Variants in STON2 observed in about 807,000 individuals in gnomAD.
The protein encoded by STON2 is stonin-2.
STON2 carries 29 observed loss-of-function variants against 65.7 expected under a neutral mutation model. The ratio of observed to expected loss-of-function variants is 0.44; its 90% confidence interval spans 0.33 to 0.60. STON2 has a LOEUF of 0.60. Among genes scored for constraint, STON2 ranks in the 20% least tolerant of loss-of-function variants. The probability of loss-of-function intolerance (pLI) is 0.03; values close to 1 mark genes in which losing one functional copy is unlikely to be tolerated. For missense variants in STON2, 1,054 were observed against 1,118.1 expected (o/e 0.94, Z 0.82); for synonymous variants, 404 against 414.2 (o/e 0.98, Z 0.30).
chr14:81,390,412 T>A (rs942700476), intron 3 of STON2, among the ~76,000 whole-genome samples: 1 of 152,080 alleles, frequency 6.6e-6, no homozygotes, highest in African/African-American at 2.4e-5. Flanking sequence ...TTAGTAAATA[T>A]CTGGTGACTC....
intron 5 of STON2, among the ~76,000 whole-genome samples, chr14:81,321,072 G>C (rs548612136): frequency 1.3e-4 from 20 of 152,102 alleles, no homozygotes; most frequent in African/African-American, 4.6e-4. Flanking sequence ...AATACTGCAG[G>C]GCCTGAATCC....
At chr14:81,335,910 G>C (rs1426389950) in intron 4 of STON2, among the ~76,000 whole-genome samples, 2 of 152,072 alleles carry the variant, frequency 1.3e-5, no homozygotes, top group Admixed American at 1.3e-4. Flanking sequence ...ATTAAGAGGA[G>C]GTACCTGAAA....
chr14:81,333,645 C>T (rs753940430), intron 4 of STON2, among the ~76,000 whole-genome samples: 1 of 152,166 alleles, frequency 6.6e-6, no homozygotes, highest in Non-Finnish European at 1.5e-5. Context: ...GACAGCAAAT[C>T]CTTCGAGATG....
rs1444165033 is a variant in STON2, at chr14:81,260,768, T to A, written c.*7646A>T. On this transcript the variant is annotated 3_prime_UTR_variant, in exon 8 of 8. Coordinates refer to ENST00000614646, the MANE Select transcript of STON2 (RefSeq NM_001394390.1). ...ACAGAGATAGCCAGTGTGTAGACTT[T>A]ATTACATAGGCACATATTAAAAAAA... The A allele has an allele frequency of 6.6e-6, 1 of 151,928 alleles. No individual in the cohort carries two copies. The highest frequency in any genetic ancestry group is 1.5e-5 in the Non-Finnish European group (1 of 68,000). The allele number at this position is 151,928 out of a possible 1,614,324, so 9.4% of individuals were successfully genotyped here.
chr14:81,292,107 C>T (rs1895581214), intron 5 of STON2, among the ~76,000 whole-genome samples: 1 of 152,164 alleles, frequency 6.6e-6, no homozygotes, highest in Non-Finnish European at 1.5e-5. Context: ...TTAGGCTTTG[C>T]CTGTTGCTTG....
chr14:81,380,922 C>T (rs2140394154), intron 3 of STON2, among the ~76,000 whole-genome samples: 1 of 152,164 alleles, frequency 6.6e-6, no homozygotes, highest in South Asian at 2.1e-4. Flanking sequence ...ACCCCCATGA[C>T]AGGCAATTTA....
chr14:81,312,424 A>G (rs6574645), intron 5 of STON2, among the ~76,000 whole-genome samples: 119,824 of 152,234 alleles, frequency 0.79, 47,309 homozygotes, highest in African/African-American at 0.8. Context: ...CAAAGAGGCT[A>G]CTTCACTTCT....
At chr14:81,333,449 G>T in intron 4 of STON2, 1 of 302,666 alleles carries the variant, frequency 3.3e-6, no homozygotes, top group East Asian at 6.9e-5. Context: ...ACAACCCTAT[G>T]AAATCGTTAC....
chr14:81,352,401 C>A (rs755950095), intron 4 of STON2, among the ~76,000 whole-genome samples: 25 of 152,190 alleles, frequency 1.6e-4, no homozygotes, highest in Non-Finnish European at 2.9e-4. Flanking sequence ...ATCTCATTAA[C>A]CTCCTTAGGG....
chr14:81,386,323 T>C (rs1245250566), intron 3 of STON2, among the ~76,000 whole-genome samples: 1 of 152,120 alleles, frequency 6.6e-6, no homozygotes, highest in East Asian at 1.9e-4. Context: ...TGGGATATCT[T>C]ATTCCACCCC....
Position 81,267,554 on chromosome 14 carries a change from G to A in STON2, c.*860C>T. ...TGTATATTTGTTTCAGGAATCAGAA[G>A]TGGACTGTATTTTTCAGTGTGAATT... On this transcript the variant is annotated 3_prime_UTR_variant, in exon 8 of 8. Coordinates refer to ENST00000614646, the MANE Select transcript of STON2 (RefSeq NM_001394390.1). 7 of 985,350 alleles carry A rather than the reference G, an allele frequency of 7.1e-6. No homozygotes were observed. The highest frequency in any genetic ancestry group is 8.4e-6 in the Non-Finnish European group (7 of 829,862). 61.0% of individuals were successfully genotyped at this position (985,350 alleles called of 1,614,324 possible).
At chr14:81,330,251 T>G (rs973709431) in intron 4 of STON2, among the ~76,000 whole-genome samples, 18 of 152,252 alleles carry the variant, frequency 1.2e-4, no homozygotes. Context: ...ACCTGGCATG[T>G]GAGAGGTGCT....
At chr14:81,269,892 T>G (rs991850360) in intron 7 of STON2, 1 of 985,300 alleles carries the variant, frequency 1.0e-6, no homozygotes. Flanking sequence ...TATAAACATT[T>G]GCTTGGCTTT....
chr14:81,341,773 A>C (rs1464100561), intron 4 of STON2, among the ~76,000 whole-genome samples: 6 of 152,218 alleles, frequency 3.9e-5, no homozygotes, highest in African/African-American at 1.4e-4. Context: ...GAAAGCTTTC[A>C]ACAAATGTCA....
intron 5 of STON2, among the ~76,000 whole-genome samples, chr14:81,310,037 A>C (rs1361397060): frequency 6.6e-6 from 1 of 152,164 alleles, no homozygotes; most frequent in Non-Finnish European, 1.5e-5. Flanking sequence ...CCAGGAATCA[A>C]TTTCCACACT....
chr14:81,381,513 C>A (rs768651817), intron 3 of STON2, among the ~76,000 whole-genome samples: 1 of 149,634 alleles, frequency 6.7e-6, no homozygotes, highest in Non-Finnish European at 1.5e-5. Context: ...ACAGGGATTT[C>A]ATGAAAGAAA....
At chr14:81,279,773 G>C (rs551542476) in intron 5 of STON2, among the ~76,000 whole-genome samples, 1 of 152,096 alleles carries the variant, frequency 6.6e-6, no homozygotes, top group Non-Finnish European at 1.5e-5. Flanking sequence ...GCCATAATAG[G>C]AGCACTAAGT....
At chr14:81,363,641 T>C (rs916096195) in intron 4 of STON2, among the ~76,000 whole-genome samples, 2 of 152,062 alleles carry the variant, frequency 1.3e-5, no homozygotes, top group African/African-American at 4.8e-5. Flanking sequence ...AAAAAACTGC[T>C]CTGCTATTCT....
chr14:81,266,390 T>A lies in STON2; in HGVS notation c.*2024A>T, dbSNP rs1333537103. Among the ~76,000 whole-genome samples, 7 of 152,320 alleles carry A rather than the reference T, an allele frequency of 4.6e-5. No homozygotes were observed. The South Asian group carries it at 1.0e-3, about 23-fold the overall frequency. ...TTGAAGCTACACAGAATAAATCTAA[T>A]TCCTCTTCCTTTTCATAGCTCAATA... On this transcript the variant is annotated 3_prime_UTR_variant, in exon 8 of 8. Coordinates refer to ENST00000614646, the MANE Select transcript of STON2 (RefSeq NM_001394390.1).
Sources: allele counts gnomAD v4.1 joint callset (sites outside exome capture counted in the v4.1 genomes callset), GRCh38; gene constraint gnomAD v4.1.1; transcripts MANE v1.5; gene names NCBI Gene and HGNC (gene_info 2026-07-23, HGNC 2026-07-21).